Variants in SLC36A1 observed in about 807,000 individuals in gnomAD.
SLC36A1 encodes the protein solute carrier family 36 member 1.
SLC36A1 carries 30 observed loss-of-function variants against 47.5 expected under a neutral mutation model. That is an observed-to-expected ratio of 0.63 (90% confidence interval 0.47 to 0.86). SLC36A1 has a LOEUF of 0.86. Ranked by LOEUF, SLC36A1 falls within the 40% of genes least tolerant of loss-of-function variation. The probability of loss-of-function intolerance (pLI) is 0.00; values close to 1 mark genes in which losing one functional copy is unlikely to be tolerated. For synonymous variants in SLC36A1, 255 were observed against 249.7 expected (o/e 1.02, Z -0.20); for missense variants, 517 against 606.0 (o/e 0.85, Z 1.54).
At chr5:151,438,845 G>A (rs1335118917) in intron 1 of SLC36A1, among the ~76,000 whole-genome samples, 1 of 152,200 alleles carries the variant, frequency 6.6e-6, no homozygotes, top group Non-Finnish European at 1.5e-5. Context: ...TGAGTCCTCA[G>A]AGTGCATGCA....
the SLC36A1 span, among the ~76,000 whole-genome samples, chr5:151,411,953 T>G: frequency 6.9e-6 from 1 of 144,952 alleles, no homozygotes; most frequent in Admixed American, 6.8e-5. Flanking sequence ...ACTCAACCAT[T>G]TCTTAAGACG....
chr5:151,540,737 T>C, the SLC36A1 span: 4 of 1,614,124 alleles, frequency 2.5e-6, no homozygotes, highest in Non-Finnish European at 3.4e-6. Context: ...ACTTGGCTGA[T>C]GCCAAACTGG....
At chr5:151,444,146 C>A (rs769188022), upstream of SLC36A1, among the ~76,000 whole-genome samples, 2 of 152,092 alleles carry the variant, frequency 1.3e-5, no homozygotes, top group Non-Finnish European at 2.9e-5. Flanking sequence ...CTTGACTATT[C>A]AGGGTCTTTT....
In SLC36A1 at chr5:151,465,154, A is replaced by G. The variant is rs765944390; in HGVS notation, c.404A>G (p.His135Arg). The change falls in exon 5 of 11, where the codon CAC becomes CGC. Residue 135 changes from histidine to arginine, a missense_variant. Transcript: ENST00000243389. ...AGCCCCTGCTCCTGGCTCCGGAACC[A>G]CGCACACTGGGGAAGGTAACTGATT... The part of the protein sequence containing the change: ...ESSPCSWLRN[H>R]AHWGRRVVDF... 1 of 1,613,868 alleles carries G rather than the reference A, an allele frequency of 6.2e-7. No individual in the cohort carries two copies. Among genetic ancestry groups the G allele is most frequent in the African/African-American group, 1.3e-5 (1 of 74,934 alleles).
chr5:151,438,810 T>C (rs1759932028), intron 1 of SLC36A1, among the ~76,000 whole-genome samples: 1 of 152,236 alleles, frequency 6.6e-6, no homozygotes, highest in Non-Finnish European at 1.5e-5. Context: ...GGACAGAATT[T>C]TGAATTACTT....
chr5:151,545,157 A>G, the SLC36A1 span: 5 of 1,614,184 alleles, frequency 3.1e-6, no homozygotes, highest in Non-Finnish European at 3.4e-6. Flanking sequence ...CCTGGGCACC[A>G]AGAATCACCA....
intron 10 of SLC36A1, among the ~76,000 whole-genome samples, chr5:151,480,825 T>G (rs17740853): frequency 0.11 from 16,644 of 152,218 alleles, 1,366 homozygotes; most frequent in East Asian, 0.35. Context: ...AGGGCCCAAT[T>G]CTTAAATCTA....
the SLC36A1 span, among the ~76,000 whole-genome samples, chr5:151,426,964 A>C: frequency 6.6e-6 from 1 of 152,110 alleles, no homozygotes; most frequent in Non-Finnish European, 1.5e-5. Flanking sequence ...AATCCATTAA[A>C]CCTTGAGTCA....
upstream of SLC36A1, among the ~76,000 whole-genome samples, chr5:151,444,087 G>C (rs1047664102): frequency 2.0e-5 from 3 of 152,144 alleles, no homozygotes; most frequent in Non-Finnish European, 4.4e-5. Flanking sequence ...ATATAATTTT[G>C]AATCGGGAAG....
chr5:151,442,592 A>T (rs1403401521), intron 1 of SLC36A1, among the ~76,000 whole-genome samples: 1 of 152,116 alleles, frequency 6.6e-6, no homozygotes, highest in Non-Finnish European at 1.5e-5. Flanking sequence ...ACTGATTCCT[A>T]TCTAGCTGTA....
At chr5:151,516,587 A>AT in the SLC36A1 span, among the ~76,000 whole-genome samples, 1 of 152,104 alleles carries the variant, frequency 6.6e-6, no homozygotes, top group Non-Finnish European at 1.5e-5. Flanking sequence ...TTTTGCTCAT[A>AT]ATACTTATCA....
chr5:151,522,871 G>A, the SLC36A1 span, among the ~76,000 whole-genome samples: 3 of 152,196 alleles, frequency 2.0e-5, no homozygotes, highest in African/African-American at 7.2e-5. Flanking sequence ...GGGCTGGCAC[G>A]CGCAGGGTTG....
intron 8 of SLC36A1, among the ~76,000 whole-genome samples, chr5:151,474,522 T>C (rs773719951): frequency 2.0e-5 from 3 of 152,238 alleles, no homozygotes; most frequent in Non-Finnish European, 4.4e-5. Context: ...AAATGAGATA[T>C]GTGCAAAATG....
chr5:151,548,925 A>C, the SLC36A1 span, among the ~76,000 whole-genome samples: 76,866 of 152,054 alleles, frequency 0.51, 20,710 homozygotes, highest in Non-Finnish European at 0.62. Context: ...GAAAATAAAA[A>C]TTACTTCTAA....
downstream of SLC36A1, among the ~76,000 whole-genome samples, chr5:151,493,236 A>C (rs1760242319): frequency 6.6e-6 from 1 of 152,094 alleles, no homozygotes; most frequent in African/African-American, 2.4e-5. Flanking sequence ...CCGCCCCCCA[A>C]AATACTTGAG....
the SLC36A1 span, among the ~76,000 whole-genome samples, chr5:151,400,668 G>T: frequency 6.6e-6 from 1 of 151,788 alleles, no homozygotes; most frequent in Non-Finnish European, 1.5e-5. Context: ...GCCAATACCC[G>T]TTTTTTGTTT....
the SLC36A1 span, chr5:151,507,264 T>A: frequency 1.9e-5 from 31 of 1,614,140 alleles, no homozygotes; most frequent in Non-Finnish European, 2.5e-5. Context: ...TGGCCGTTGC[T>A]TAGAATTGGG....
chr5:151,376,380 G>T, the SLC36A1 span, among the ~76,000 whole-genome samples: 2 of 151,972 alleles, frequency 1.3e-5, no homozygotes, highest in South Asian at 2.1e-4. Context: ...TTTTTGTTTT[G>T]TTGATCCTTT....
chr5:151,354,230 G>A, the SLC36A1 span, among the ~76,000 whole-genome samples: 1 of 152,194 alleles, frequency 6.6e-6, no homozygotes, highest in Non-Finnish European at 1.5e-5. Context: ...CGTGAACCTG[G>A]GAGGTGGAGG....
Sources: allele counts gnomAD v4.1 joint callset (sites outside exome capture counted in the v4.1 genomes callset), GRCh38; gene constraint gnomAD v4.1.1; transcripts MANE v1.5; gene names NCBI Gene and HGNC (gene_info 2026-07-23, HGNC 2026-07-21).